Variants in GDI2 observed in about 807,000 individuals in gnomAD.
The protein encoded by GDI2 is rab GDP dissociation inhibitor beta.
GDI2 carries 22 observed loss-of-function variants against 54.2 expected under a neutral mutation model. That is an observed-to-expected ratio of 0.41 (90% CI 0.29 to 0.58). GDI2 has a LOEUF of 0.58. Ranked by LOEUF, GDI2 falls within the 20% of genes least tolerant of loss-of-function variation. The pLI is 0.35. For synonymous variants in GDI2, 177 were observed against 182.1 expected (o/e 0.97, Z 0.23); for missense variants, 422 against 546.0 (o/e 0.77, Z 2.26).
intron 6 of GDI2, among the ~76,000 whole-genome samples, chr10:5,783,418 A>C (rs1840805321): frequency 6.6e-6 from 1 of 152,154 alleles, no homozygotes; most frequent in Non-Finnish European, 1.5e-5. Context: ...CTGTATCTTT[A>C]AAGTGGAGCA....
intron 2 of GDI2, among the ~76,000 whole-genome samples, chr10:5,798,212 A>G (rs2131712063): frequency 6.6e-6 from 1 of 152,374 alleles, no homozygotes; most frequent in East Asian, 1.9e-4. Flanking sequence ...AAAAGCTTAT[A>G]AAGTTAGAGA....
At chr10:5,792,750 A>T (rs1436372335) in intron 4 of GDI2, among the ~76,000 whole-genome samples, 1 of 151,852 alleles carries the variant, frequency 6.6e-6, no homozygotes, top group East Asian at 1.9e-4. Flanking sequence ...GTCAGAAAGA[A>T]TGGAAGTAGA....
At chr10:5,810,837 T>C (rs1841467898) in intron 1 of GDI2, among the ~76,000 whole-genome samples, 1 of 151,728 alleles carries the variant, frequency 6.6e-6, no homozygotes, top group African/African-American at 2.4e-5. Flanking sequence ...TTTTGTATCT[T>C]CTTGATTAAG....
chr10:5,808,697 TAAA>T (rs56672226), intron 1 of GDI2, among the ~76,000 whole-genome samples: 2 of 86,224 alleles, frequency 2.3e-5, no homozygotes, highest in Admixed American at 1.4e-4. Context: ...TTGTTGTTAT[TAAA>T]AAAAAAAAAA....
Position 5,768,471 on chromosome 10 carries a change from T to C in GDI2, c.820-87A>G. The C allele has an allele frequency of 1.2e-6, 1 of 834,974 alleles. No homozygotes were observed. The highest frequency in any genetic ancestry group is 1.9e-6 in the Non-Finnish European group (1 of 523,812). The allele number at this position is 834,974 out of a possible 1,614,324, so 51.7% of individuals were successfully genotyped here. A position where few individuals can be genotyped will look rare whatever the true frequency, so the allele number is the denominator to read the frequency against. On this transcript the variant is annotated intron_variant, in intron 7 of 10. Transcript: ENST00000380191. This position sits in a 1 kb window ranked among gnomAD's most constrained non-coding sequence, Gnocchi z 4.4. The stretch of plus-strand genomic sequence containing the variant: ...GTTCATAGTTTGGAAGACTTAGTAT[T>C]GTTAAGATATCAAAAACCATCCTCA...
At chr10:5,811,901 G>T in intron 1 of GDI2, 2 of 1,140,340 alleles carry the variant, frequency 1.8e-6, no homozygotes, top group South Asian at 1.4e-5. Context: ...CCAAATAAAA[G>T]TTCGAAGGTT....
chr10:5,812,949 C>T (rs1221987745), intron 1 of GDI2, among the ~76,000 whole-genome samples: 1 of 152,220 alleles, frequency 6.6e-6, no homozygotes, highest in East Asian at 1.9e-4. Flanking sequence ...AGCGCAGAGG[C>T]CGGGCTCGGC....
intron 6 of GDI2, among the ~76,000 whole-genome samples, chr10:5,779,953 C>G (rs971308339): frequency 1.3e-5 from 2 of 152,006 alleles, no homozygotes; most frequent in African/African-American, 4.8e-5. Context: ...CTCACCCTCC[C>G]AAAGTGCTGC....
rs1840619286 is a variant in GDI2 at position 5,776,339 on chromosome 10, T to G, written c.720-2398A>C. 1 of 647,036 alleles carries G rather than the reference T, an allele frequency of 1.5e-6. No homozygotes were observed. Among genetic ancestry groups the G allele is most frequent in the Non-Finnish European group, 2.8e-6 (1 of 352,694 alleles). The allele number at this position is 647,036 out of a possible 1,614,324, so 40.1% of individuals were successfully genotyped here. ...GCTGCCCATCTCACAAACCCTCTGCTGAGGATGCAGAGAGCCAGAGCCCCC... is the reference window on the plus strand; with the variant it reads ...GCTGCCCATCTCACAAACCCTCTGCGGAGGATGCAGAGAGCCAGAGCCCCC... On this transcript the variant is annotated intron_variant, in intron 6 of 10. Coordinates refer to ENST00000380191, the MANE Select transcript of GDI2 (RefSeq NM_001494.4). The surrounding 1 kb of genome is among the most constrained non-coding windows in gnomAD (Gnocchi z 5.3).
intron 6 of GDI2, chr10:5,775,959 C>T (rs1840609851): frequency 1.2e-5 from 2 of 168,890 alleles, no homozygotes; most frequent in Non-Finnish European, 2.5e-5. Flanking sequence ...CAGAGAGGGG[C>T]CACAGTCCCT....
intron 7 of GDI2, among the ~76,000 whole-genome samples, chr10:5,771,044 TAATATTCAGTGTC>T (rs1343519507): frequency 1.4e-5 from 2 of 146,546 alleles, no homozygotes; most frequent in Non-Finnish European, 3.0e-5. Flanking sequence ...GGAAAAAGAC[TAATATTCAGTGTC>T]TATAATGTTT....
chr10:5,801,012 G>A (rs370326140), intron 1 of GDI2, among the ~76,000 whole-genome samples: 4 of 151,806 alleles, frequency 2.6e-5, no homozygotes, highest in East Asian at 1.9e-4. Flanking sequence ...GTGCAATGGC[G>A]CAATCTCAGC....
At chr10:5,782,175 T>G (rs1207828112) in intron 6 of GDI2, among the ~76,000 whole-genome samples, 2 of 152,152 alleles carry the variant, frequency 1.3e-5, no homozygotes, top group East Asian at 3.8e-4. Flanking sequence ...TGCAAAAGAC[T>G]TGAACAATCA....
In GDI2 at chr10:5,797,799, G is replaced by A. The variant is rs535747549; in HGVS notation, c.154-937C>T. Among the ~76,000 whole-genome samples, 23 of 152,200 alleles carry A rather than the reference G, an allele frequency of 1.5e-4. No homozygotes were observed. The South Asian group carries it at 4.8e-3, about 32-fold the overall frequency. Reference sequence around the variant, plus strand: ...ATGACACTGTATAGTTCTCTATACGGACTGTATATGCAGAACTAGGGTGTC... The same window carrying A: ...ATGACACTGTATAGTTCTCTATACGAACTGTATATGCAGAACTAGGGTGTC... On this transcript the variant is annotated intron_variant, in intron 2 of 10. Coordinates refer to ENST00000380191, the MANE Select transcript of GDI2 (RefSeq NM_001494.4).
chr10:5,791,172 A>G (rs1042956851), intron 4 of GDI2, among the ~76,000 whole-genome samples: 3 of 151,994 alleles, frequency 2.0e-5, no homozygotes, highest in Admixed American at 6.6e-5. Flanking sequence ...GTGTATCCCT[A>G]TAGTCCCAGC....
Position 5,813,241 on chromosome 10 carries a change from G to T in GDI2, c.18C>A (p.Asp6Glu), listed in dbSNP as rs762509646. 6.3e-7 allele frequency: 1 copy of T among 1,597,002 alleles called. No individual in the cohort carries two copies. Among genetic ancestry groups the T allele is most frequent in the East Asian group, 2.3e-5 (1 of 43,736 alleles). The change falls in exon 1 of 11, where the codon GAC becomes GAA. Residue 6 changes from aspartate (D) to glutamate (E), a missense_variant. Physicochemically the swap from Asp to Glu is conservative, Grantham distance 45. Coordinates refer to ENST00000380191, the MANE Select transcript of GDI2 (RefSeq NM_001494.4). ...TCAGGCCGGTGCCCAGCACGATCACGTCGTACTCCTCATTCATGGCGGGGC... is the reference window on the plus strand; with the variant it reads ...TCAGGCCGGTGCCCAGCACGATCACTTCGTACTCCTCATTCATGGCGGGGC... The part of the protein sequence containing the change: MNEEY[D>E]VIVLGTGLTE...
chr10:5,795,794 G>A (rs1419965197), intron 3 of GDI2, among the ~76,000 whole-genome samples: 1 of 152,020 alleles, frequency 6.6e-6, no homozygotes, highest in Non-Finnish European at 1.5e-5. Context: ...AGCCAGGTGT[G>A]GTGGAACACC....
rs749844246 is a variant in GDI2, at chr10:5,800,709, T to C, written c.46-4A>G. On this transcript the variant is annotated splice_polypyrimidine_tract_variant and splice_region_variant and intron_variant, in intron 1 of 10. Coordinates refer to ENST00000380191, the MANE Select transcript of GDI2 (RefSeq NM_001494.4). ...TTATACCTGACAGGATACATTCCTA[T>C]AGAAAAAGCATAGTACCTTGAAAAG... is the stretch of plus-strand genomic sequence containing the variant. 1.8e-5 allele frequency: 26 copies of C among 1,414,116 alleles called. No homozygotes were observed. The African/African-American group carries it at 2.0e-4, about 11-fold the overall frequency. 87.6% of individuals were successfully genotyped at this position (1,414,116 alleles called of 1,614,324 possible). A position where few individuals can be genotyped will look rare whatever the true frequency, so the allele number is the denominator to read the frequency against.
chr10:5,777,938 T>C (rs1270442792), intron 6 of GDI2, among the ~76,000 whole-genome samples: 2 of 152,298 alleles, frequency 1.3e-5, no homozygotes, highest in Admixed American at 1.3e-4. Context: ...ATATACACCA[T>C]GGAATACTAT....
Sources: allele counts gnomAD v4.1 joint callset (sites outside exome capture counted in the v4.1 genomes callset), GRCh38; gene constraint gnomAD v4.1.1; non-coding constraint Gnocchi (gnomAD v3.1); transcripts MANE v1.5; gene names NCBI Gene and HGNC (gene_info 2026-07-23, HGNC 2026-07-21).